PDE10A: variants seen among roughly 807,000 people sequenced by gnomAD.
PDE10A encodes the protein cAMP and cAMP-inhibited cGMP 3',5'-cyclic phosphodiesterase 10A.
Under a neutral mutation model 97.7 loss-of-function variants are expected in PDE10A, and 39 were observed. The ratio of observed to expected loss-of-function variants is 0.40; its 90% confidence interval spans 0.31 to 0.52. PDE10A has a LOEUF of 0.52. PDE10A is among the 20% of genes least tolerant of loss of function. The pLI is 0.56. For synonymous variants in PDE10A, 371 were observed against 376.8 expected (o/e 0.98, Z 0.18); for missense variants, 731 against 1,047.8 (o/e 0.70, Z 4.17).
chr6:165,958,503 A>G lies in PDE10A; in HGVS notation c.-615+29026T>C, dbSNP rs910387622. Among the ~76,000 whole-genome samples the G allele has an allele frequency of 9.8e-4, 6 of 6,114 alleles. 1 individual carries two copies. In the South Asian group the frequency reaches 0.03, roughly 31 times the overall value. The allele number at this position is 6,114 out of a possible 152,430, so 4.0% of individuals were successfully genotyped here. A position where few individuals can be genotyped will look rare whatever the true frequency, so the allele number is the denominator to read the frequency against. ...AAGAGAGAAAGAGAGAAAGACAAGA[A>G]AGAAAGAAAGAAAGAAAGAAAGAAA... On this transcript the variant is annotated intron_variant, in intron 1 of 19. Transcript: ENST00000366882.
intron 6 of PDE10A, among the ~76,000 whole-genome samples, chr6:165,433,480 C>A (rs999490987): frequency 6.6e-6 from 1 of 152,118 alleles, no homozygotes; most frequent in Non-Finnish European, 1.5e-5. Context: ...TTTACAGGTA[C>A]AATGCCGCAG....
At chr6:165,362,336 A>G (rs989091303) in intron 18 of PDE10A, among the ~76,000 whole-genome samples, 2 of 152,156 alleles carry the variant, frequency 1.3e-5, no homozygotes, top group African/African-American at 4.8e-5. Flanking sequence ...AGAAAAAGAA[A>G]GACGATTCAA....
At chr6:165,834,329 C>A (rs911614498) in intron 1 of PDE10A, among the ~76,000 whole-genome samples, 16 of 152,312 alleles carry the variant, frequency 1.1e-4, no homozygotes, top group African/African-American at 3.6e-4. Flanking sequence ...GCAGTCCCAG[C>A]CCTTTCTACT....
At chr6:165,766,196 G>A (rs1380432100) in intron 1 of PDE10A, among the ~76,000 whole-genome samples, 1 of 152,220 alleles carries the variant, frequency 6.6e-6, no homozygotes, top group East Asian at 1.9e-4. Context: ...AGGGTAGGAT[G>A]ATCAGAACCA....
At chr6:165,355,642 G>C (rs1003930359) in intron 18 of PDE10A, among the ~76,000 whole-genome samples, 1 of 152,152 alleles carries the variant, frequency 6.6e-6, no homozygotes. Context: ...GATATACTAA[G>C]AGTAATGTTG....
chr6:165,479,379 T>G (rs1017887727), intron 3 of PDE10A, among the ~76,000 whole-genome samples: 3 of 152,102 alleles, frequency 2.0e-5, no homozygotes, highest in African/African-American at 7.2e-5. Flanking sequence ...TCCGCATGAC[T>G]CACTCTGCAC....
intron 1 of PDE10A, among the ~76,000 whole-genome samples, chr6:165,701,034 T>G (rs867264830): frequency 4.3e-4 from 65 of 152,222 alleles, no homozygotes; most frequent in African/African-American, 1.5e-3. Context: ...AGATCCTATT[T>G]ATAATGTTGA....
chr6:165,395,146 A>G (rs777381061), intron 15 of PDE10A, 35 bp downstream of exon 15: 31 of 1,372,792 alleles, frequency 2.3e-5, no homozygotes, highest in Non-Finnish European at 2.6e-5. Context: ...ATGTCACCCA[A>G]TATTTCAAAA....
rs187029187 is a variant in PDE10A at position 165,331,183 on chromosome 6, T to C, written c.*1842A>G. 3 of 152,286 alleles carry C rather than the reference T, an allele frequency of 2.0e-5. No individual in the cohort carries two copies. Among genetic ancestry groups the C allele is most frequent in the African/African-American group, 4.8e-5 (2 of 41,568 alleles). The allele number at this position is 152,286 out of a possible 1,614,324, so 9.4% of individuals were successfully genotyped here. A position where few individuals can be genotyped will look rare whatever the true frequency, so the allele number is the denominator to read the frequency against. ...TACATGAGTGTGTATCCTATATACA[T>C]CTATGTGTGTGTTCTACATATATTA... is the stretch of plus-strand genomic sequence containing the variant. On this transcript the variant is annotated 3_prime_UTR_variant, in exon 22 of 22. Coordinates refer to ENST00000539869, the MANE Select transcript of PDE10A (RefSeq NM_001385079.1).
At chr6:165,931,320 A>G (rs1354556718) in intron 1 of PDE10A, among the ~76,000 whole-genome samples, 1 of 152,244 alleles carries the variant, frequency 6.6e-6, no homozygotes, top group African/African-American at 2.4e-5. Context: ...AAGAATAGAT[A>G]CCACATCTGT....
intron 2 of PDE10A, among the ~76,000 whole-genome samples, chr6:165,491,731 C>T (rs929457125): frequency 6.6e-6 from 1 of 152,012 alleles, no homozygotes; most frequent in African/African-American, 2.4e-5. Context: ...GAAAAGTCCA[C>T]AGCATTAAGT....
chr6:165,931,001 G>C (rs1034890037), intron 1 of PDE10A, among the ~76,000 whole-genome samples: 1 of 152,228 alleles, frequency 6.6e-6, no homozygotes, highest in African/African-American at 2.4e-5. Flanking sequence ...GAGCATTGAC[G>C]ATGCCTGTTA....
chr6:165,553,193 A>G (rs1784096698), intron 1 of PDE10A, among the ~76,000 whole-genome samples: 2 of 152,212 alleles, frequency 1.3e-5, no homozygotes, highest in African/African-American at 4.8e-5. Context: ...CTTACTGATT[A>G]AGAGATAGAT....
intron 7 of PDE10A, 149 bp from the exon 8 acceptor site, chr6:165,431,621 CAT>C (rs56071486): frequency 0.33 from 78,387 of 237,674 alleles, 13,560 homozygotes; most frequent in South Asian, 0.48. Flanking sequence ...TCATACATAA[CAT>C]ATATATATAT....
intron 2 of PDE10A, among the ~76,000 whole-genome samples, chr6:165,515,418 A>C (rs995642741): frequency 2.0e-5 from 3 of 151,998 alleles, no homozygotes; most frequent in African/African-American, 7.2e-5. Context: ...AAAAACATAA[A>C]ATGTATACTT....
chr6:165,725,337 G>A (rs968862930), intron 1 of PDE10A, among the ~76,000 whole-genome samples: 3 of 152,214 alleles, frequency 2.0e-5, no homozygotes, highest in African/African-American at 7.2e-5. Flanking sequence ...AGAGCGCCCT[G>A]TAACACACAC....
chr6:165,668,075 T>A (rs1001871820), upstream of PDE10A, among the ~76,000 whole-genome samples: 5 of 152,216 alleles, frequency 3.3e-5, no homozygotes, highest in South Asian at 6.2e-4. Context: ...AAGTCAAATA[T>A]ATCAATTGTG....
intron 1 of PDE10A, among the ~76,000 whole-genome samples, chr6:165,814,454 TA>T (rs1010133590): frequency 9.7e-5 from 3 of 31,040 alleles, no homozygotes; most frequent in African/African-American, 2.8e-4. Context: ...ATCCTAAAGG[TA>T]TTTTTTTTTT....
chr6:165,554,104 T>G (rs1283313171), intron 1 of PDE10A, among the ~76,000 whole-genome samples: 2 of 152,144 alleles, frequency 1.3e-5, no homozygotes, highest in Admixed American at 1.3e-4. Context: ...GAAAGTCACT[T>G]AAGTGTCTTG....
Sources: allele counts gnomAD v4.1 joint callset (sites outside exome capture counted in the v4.1 genomes callset), GRCh38; gene constraint gnomAD v4.1.1; transcripts MANE v1.5; gene names NCBI Gene and HGNC (gene_info 2026-07-23, HGNC 2026-07-21).